MAPK10: variants seen among roughly 807,000 people sequenced by gnomAD.
MAPK10 encodes mitogen-activated protein kinase 10.
Under a neutral mutation model 59.3 loss-of-function variants are expected in MAPK10, and 25 were observed. The observed-to-expected ratio is 0.42, with a 90% CI of 0.31 to 0.59. The LOEUF (loss-of-function observed/expected upper bound fraction) is 0.59. Among genes scored for constraint, MAPK10 ranks in the 20% least tolerant of loss-of-function variants. The pLI, the probability that MAPK10 is intolerant of heterozygous loss-of-function variation, is 0.15. For synonymous variants in MAPK10, 190 were observed against 200.5 expected, an observed-to-expected ratio of 0.95 and a Z score of 0.44; for missense variants, 351 against 568.9, an observed-to-expected ratio of 0.62 and a Z score of 3.90.
chr4:86,027,397 C>T (rs1750891570), intron 13 of MAPK10: 1 of 152,180 alleles, frequency 6.6e-6, no homozygotes, highest in Admixed American at 6.6e-5. Context: ...GCCTGCAAAA[C>T]ATCCATGAAT....
At chr4:86,476,014 G>C (rs1753062630) in intron 1 of MAPK10, among the ~76,000 whole-genome samples, 1 of 152,072 alleles carries the variant, frequency 6.6e-6, no homozygotes. Context: ...CATCCTACAA[G>C]ATCTAGATAA....
At chr4:86,320,129 C>T (rs11947890) in intron 2 of MAPK10, among the ~76,000 whole-genome samples, 2,575 of 152,258 alleles carry the variant, frequency 0.017, 61 homozygotes, top group African/African-American at 0.05. Flanking sequence ...GGCTGTATGA[C>T]CTTAGACAAG....
intron 4 of MAPK10, among the ~76,000 whole-genome samples, chr4:86,119,259 A>G (rs2058804430): frequency 6.6e-6 from 1 of 152,156 alleles, no homozygotes. Context: ...GGCCCTACGC[A>G]CTTTTGCCTT....
chr4:86,569,409 A>G (rs1487040635), intron 1 of MAPK10, among the ~76,000 whole-genome samples: 2 of 152,186 alleles, frequency 1.3e-5, no homozygotes, highest in African/African-American at 4.8e-5. Flanking sequence ...CAAAGAACTA[A>G]AAACAGAACT....
intron 3 of MAPK10, among the ~76,000 whole-genome samples, chr4:86,166,753 C>A (rs1462174172): frequency 6.6e-6 from 1 of 152,152 alleles, no homozygotes; most frequent in Non-Finnish European, 1.5e-5. Flanking sequence ...TGACTATATA[C>A]AGAAATGCCA....
In MAPK10 at chr4:86,420,964, C is replaced by T. The variant is rs533329239; in HGVS notation, c.-122+32066G>A. 5.0e-4 allele frequency among the ~76,000 whole-genome samples: 76 copies of T among 152,054 alleles called. No homozygotes were observed. In the South Asian group the frequency reaches 7.1e-3, roughly 14 times the overall value. ...GGGCATGGTGGCAGGTACCTATAAT[C>T]CCAACTGCTTGGGAGGCTGAGGCAG... On this transcript the variant is annotated intron_variant, in intron 1 of 13. Transcript: ENST00000361569.
Position 86,115,578 on chromosome 4 carries a change from C to T in MAPK10, c.237-8226G>A, listed in dbSNP as rs111577266. 9.3e-4 allele frequency among the ~76,000 whole-genome samples: 141 copies of T among 152,306 alleles called. No homozygotes were observed. The Middle Eastern group carries it at 0.024, about 26-fold the overall frequency. On this transcript the variant is annotated intron_variant, in intron 4 of 13. Coordinates refer to ENST00000641462, the MANE Select transcript of MAPK10 (RefSeq NM_138982.4). ...CTGGGTTCAAGTGATTCTCCTGCCT[C>T]AGCCTCCTGAGTAGCTGGGATTACA...
At chr4:86,030,149 T>C (rs1218597594) in intron 12 of MAPK10, among the ~76,000 whole-genome samples, 1 of 151,990 alleles carries the variant, frequency 6.6e-6, no homozygotes, top group Non-Finnish European at 1.5e-5. Context: ...CCCTAAGGAG[T>C]GCCTTCCTGT....
chr4:86,043,508 G>C (rs1334959527), intron 11 of MAPK10, among the ~76,000 whole-genome samples: 1 of 152,116 alleles, frequency 6.6e-6, no homozygotes, highest in Non-Finnish European at 1.5e-5. Context: ...ATAGAGACTT[G>C]GCTATAAAGC....
chr4:86,290,550 G>C (rs190327552), intron 2 of MAPK10, among the ~76,000 whole-genome samples: 2 of 152,134 alleles, frequency 1.3e-5, no homozygotes, highest in East Asian at 3.9e-4. Context: ...TAATAAACTA[G>C]GTGTTTTACT....
chr4:86,037,715 T>C (rs1386955483), intron 11 of MAPK10, among the ~76,000 whole-genome samples: 1 of 152,228 alleles, frequency 6.6e-6, no homozygotes, highest in Non-Finnish European at 1.5e-5. Context: ...GATTATCTAA[T>C]GCCACCCTTA....
At chr4:86,176,805 T>C (rs2075789247) in intron 3 of MAPK10, among the ~76,000 whole-genome samples, 1 of 152,082 alleles carries the variant, frequency 6.6e-6, no homozygotes, top group Non-Finnish European at 1.5e-5. Flanking sequence ...ATCATGACAG[T>C]ACAGAAATCT....
At chr4:86,197,256 C>T (rs1252909739) in intron 2 of MAPK10, among the ~76,000 whole-genome samples, 2 of 152,076 alleles carry the variant, frequency 1.3e-5, no homozygotes, top group East Asian at 3.8e-4. Flanking sequence ...TCATAGTTCT[C>T]CTTGCTCTTC....
At position 86,257,333 on chromosome 4, in the gene MAPK10, T is replaced by C. The variant is rs117809419; in HGVS notation, c.-6-62926A>G. The stretch of plus-strand genomic sequence containing the variant: ...CGGTAAATTGGTAAATATGATACAC[T>C]GTAGCTTAATTTGCTAATAAAAAGG... On this transcript the variant is annotated intron_variant, in intron 2 of 13. Coordinates refer to ENST00000641462, the MANE Select transcript of MAPK10 (RefSeq NM_138982.4). Among the ~76,000 whole-genome samples the C allele has an allele frequency of 1.3e-4, 20 of 152,348 alleles. No individual in the cohort carries two copies. The East Asian group carries it at 3.9e-3, about 29-fold the overall frequency.
chr4:86,205,553 C>T (rs78965727), intron 2 of MAPK10, among the ~76,000 whole-genome samples: 2,024 of 151,784 alleles, frequency 0.013, 38 homozygotes, highest in African/African-American at 0.047. Context: ...CTTATGAACA[C>T]ACAGGTGAAA....
intron 4 of MAPK10, among the ~76,000 whole-genome samples, chr4:86,130,002 T>A (rs896130301): frequency 6.6e-6 from 1 of 152,172 alleles, no homozygotes; most frequent in Non-Finnish European, 1.5e-5. Context: ...TGCACATGCG[T>A]AGATTCAATG....
At chr4:86,389,753 T>C (rs1441264250) in intron 1 of MAPK10, among the ~76,000 whole-genome samples, 1 of 152,224 alleles carries the variant, frequency 6.6e-6, no homozygotes, top group African/African-American at 2.4e-5. Context: ...TACTGTATAG[T>C]AGAGGAAATA....
intron 3 of MAPK10, among the ~76,000 whole-genome samples, chr4:86,164,997 T>G (rs372140424): frequency 6.6e-6 from 1 of 152,208 alleles, no homozygotes; most frequent in East Asian, 1.9e-4. Flanking sequence ...GTTAAATATT[T>G]ATTGAGCACC....
intron 9 of MAPK10, among the ~76,000 whole-genome samples, chr4:86,069,365 T>A (rs2047329378): frequency 6.6e-6 from 1 of 151,612 alleles, no homozygotes; most frequent in Non-Finnish European, 1.5e-5. Flanking sequence ...GAAATGAAGG[T>A]GGGAAAAACA....
Sources: allele counts gnomAD v4.1 joint callset (sites outside exome capture counted in the v4.1 genomes callset), GRCh38; gene constraint gnomAD v4.1.1; transcripts MANE v1.5; gene names NCBI Gene and HGNC (gene_info 2026-07-23, HGNC 2026-07-21).